Variants in TTN observed in about 807,000 individuals in gnomAD.
TTN encodes the protein titin, also known as connectin.
Under a neutral mutation model 3,223.0 loss-of-function variants are expected in TTN, and 1,525 were observed. The observed-to-expected ratio is 0.47, with a 90% CI of 0.45 to 0.49. TTN has a LOEUF of 0.49. Among genes scored for constraint, TTN ranks in the 20% least tolerant of loss-of-function variants. TTN has a pLI of 0.00. For synonymous variants in TTN, 14,094 were observed against 15,161.0 expected, an observed-to-expected ratio of 0.93 and a Z score of 5.17; for missense variants, 40,786 against 43,424.0, an observed-to-expected ratio of 0.94 and a Z score of 5.40.
chr2:178,536,564 C>G lies in TTN; in HGVS notation c.100183G>C (p.Ala33395Pro), dbSNP rs761311859. ...IIKSPFEKPG[A>P]PGKPTITAVT... The stretch of plus-strand genomic sequence containing the variant: ...GCAGTAATAGTTGGTTTGCCAGGAG[C>G]ACCTGGCTTTTCTATTAAACAAAAA... The change falls in exon 357 of 363, where the codon GCT becomes CCT. Residue 33395 changes from alanine (A) to proline (P), a missense_variant. Transcript: ENST00000589042. The G allele has an allele frequency of 2.0e-6, 3 of 1,494,118 alleles. No homozygotes were observed. The highest frequency in any genetic ancestry group is 1.8e-6 in the Non-Finnish European group (2 of 1,127,770). 92.6% of individuals were successfully genotyped at this position (1,494,118 alleles called of 1,614,324 possible).
At position 178,529,960 on chromosome 2, in the gene TTN, C is replaced by A. The variant is rs768786354; in HGVS notation, c.106531G>T (p.Ala35511Ser). 1.3e-6 allele frequency: 2 copies of A among 1,587,278 alleles called. No homozygotes were observed. The highest frequency in any genetic ancestry group is 3.3e-4 in the Middle Eastern group (2 of 6,008). The change falls in exon 359 of 363, where the codon GCT becomes TCT. Residue 35511 changes from alanine (A) to serine (S), a missense_variant and splice_region_variant. Ala to Ser is a moderately conservative substitution (Grantham distance 99). Transcript: ENST00000589042. ...TGGGTAAAAACAAAAGCCAACCTACCTTTTATTGTTAATTTGCAGCTAGAG... is the reference window on the plus strand; with the variant it reads ...TGGGTAAAAACAAAAGCCAACCTACATTTTATTGTTAATTTGCAGCTAGAG... The part of the protein sequence containing the change: ...VSSSCKLTIK[A>S]IKDTEAQKVS...
chr2:178,747,118 TC>T (rs1487908515), intron 47 of TTN: 1 of 1,605,324 alleles, frequency 6.2e-7, no homozygotes, highest in Non-Finnish European at 8.5e-7. Flanking sequence ...GTGTGGAGTA[TC>T]TCTCCAGAGT....
intron 99 of TTN, among the ~76,000 whole-genome samples, chr2:178,709,173 T>C (rs2076293517): frequency 6.6e-6 from 1 of 152,206 alleles, no homozygotes; most frequent in Non-Finnish European, 1.5e-5. Context: ...GACTGTGATA[T>C]AATATATAAC....
chr2:178,696,805 G>A (rs1313629709), intron 113 of TTN, among the ~76,000 whole-genome samples: 1 of 151,816 alleles, frequency 6.6e-6, no homozygotes, highest in Non-Finnish European at 1.5e-5. Context: ...AGTTCTTAAG[G>A]GCTCTCATTA....
At position 178,667,714 on chromosome 2, in the gene TTN, T is replaced by G. The variant is rs1208614796; in HGVS notation, c.35553A>C (p.Glu11851Asp). Reference protein sequence around the residue: ...ISEDTEMYIYEASEEAVLEEK... With the variant: ...ISEDTEMYIYDASEEAVLEEK... The stretch of plus-strand genomic sequence containing the variant: ...CTTCTAGGACTGCTTCTTCAGATGC[T>G]TCATAAACTTTAAAGATATTAGTAT... Residue 11851 changes from glutamate (E) to aspartate (D), a missense_variant, in exon 160 of 363, where the codon GAA (glutamate) becomes GAC (aspartate). By Grantham distance (45) the Glu-to-Asp change is conservative. Transcript: ENST00000589042. The G allele has an allele frequency of 6.3e-7, 1 of 1,585,752 alleles. No homozygotes were observed. Among genetic ancestry groups the G allele is most frequent in the Non-Finnish European group, 8.5e-7 (1 of 1,171,450 alleles).
At chr2:178,794,887 T>A in intron 7 of TTN, 35 bp downstream of exon 7, 1 of 1,596,694 alleles carries the variant, frequency 6.3e-7, no homozygotes, top group Non-Finnish European at 8.5e-7. Context: ...AACTAGAATG[T>A]GAAATAAGGA....
intron 148 of TTN, 41 bp downstream of exon 148, chr2:178,675,880 A>G: frequency 6.3e-7 from 1 of 1,581,782 alleles, no homozygotes; most frequent in South Asian, 1.2e-5. Context: ...TAGGAGAAGG[A>G]AGGAAATGGC....
chr2:178,669,758 A>T, intron 157 of TTN, 83 bp from the exon 158 acceptor site: 1 of 1,358,990 alleles, frequency 7.4e-7, no homozygotes, highest in Non-Finnish European at 1.0e-6. Flanking sequence ...GGCATCTAAC[A>T]AGATGAACGC....
chr2:178,634,050 T>TGTCA lies in TTN; in HGVS notation c.42448_42449insTGAC (p.Asp14150ValfsTer9). On this transcript the variant is annotated frameshift_variant, in exon 231 of 363. Coordinates refer to ENST00000589042, the MANE Select transcript of TTN (RefSeq NM_001267550.2). LOFTEE classifies it high-confidence loss of function. The surrounding 1 kb of genome is among the most constrained non-coding windows in gnomAD (Gnocchi z 4.6). The stretch of plus-strand genomic sequence containing the variant: ...TGTTTCACCTTCTTTTACTGTTTGA[T>TGTCA]CTTCAAGAGGTGACATGAATTTCAG... 1 of 1,613,144 alleles carries TGTCA rather than the reference T, an allele frequency of 6.2e-7. No homozygotes were observed. The highest frequency in any genetic ancestry group is 8.5e-7 in the Non-Finnish European group (1 of 1,179,438).
chr2:178,781,220 C>A lies in TTN; in HGVS notation c.3424G>T (p.Val1142Leu). 1 of 1,614,028 alleles carries A rather than the reference C, an allele frequency of 6.2e-7. No homozygotes were observed. Among genetic ancestry groups the A allele is most frequent in the Non-Finnish European group, 8.5e-7 (1 of 1,179,970 alleles). ...YNKQTGECKL[V>L]ISMTFADDAG... is the part of the protein sequence containing the mutation. ...TCATCAGCAAAAGTCATAGAAATCA[C>A]CAGCTTGCATTCACCGGTTTGTTTG... Residue 1142 changes from valine (V) to leucine (L), a missense_variant, in exon 21 of 363, where the codon GTG becomes TTG. Val to Leu is a conservative substitution (Grantham distance 32, BLOSUM62 1). Transcript: ENST00000589042.
Position 178,634,416 on chromosome 2 carries a change from T to C in TTN, c.42365A>G (p.Tyr14122Cys), listed in dbSNP as rs756627487. The C allele has an allele frequency of 5.6e-6, 9 of 1,613,084 alleles. No individual in the cohort carries two copies. Among genetic ancestry groups the C allele is most frequent in the South Asian group, 1.1e-5 (1 of 91,052 alleles). Residue 14122 changes from tyrosine to cysteine, a missense_variant, in exon 230 of 363, where the codon TAT (tyrosine) becomes TGT (cysteine). Coordinates refer to ENST00000589042, the MANE Select transcript of TTN (RefSeq NM_001267550.2). This position sits in a 1 kb window ranked among gnomAD's most constrained non-coding sequence, Gnocchi z 4.6. ...CTTCTTGCCCTCCACCTCAGCAGTATAGACCCCTTCATCATCAAATTGAGA... is the reference window on the plus strand; with the variant it reads ...CTTCTTGCCCTCCACCTCAGCAGTACAGACCCCTTCATCATCAAATTGAGA... The part of the protein sequence containing the change: ...NDSQFDDEGV[Y>C]TAEVEGKKTS...
chr2:178,625,567 T>C (rs1224193489), intron 240 of TTN, among the ~76,000 whole-genome samples, 171 bp from the exon 241 acceptor site: 2 of 151,944 alleles, frequency 1.3e-5, no homozygotes, highest in Non-Finnish European at 2.9e-5. Flanking sequence ...GGATCTTTTT[T>C]TTAAATTTAT....
intron 352 of TTN, 23 bp downstream of exon 352, chr2:178,539,345 ATAATGTTTATAATT>A (rs1255240634): frequency 6.3e-7 from 1 of 1,599,714 alleles, no homozygotes. Context: ...AAGTGCTGAA[ATAATGTTTATAATT>A]TTGTGGTTGA....
At chr2:178,640,305 T>G (rs747861344) in intron 221 of TTN, among the ~76,000 whole-genome samples, 195 bp from the exon 222 acceptor site, 4 of 152,018 alleles carry the variant, frequency 2.6e-5, no homozygotes, top group Non-Finnish European at 4.4e-5. Context: ...GTTCTTGGTT[T>G]TAATGTTGTT....
chr2:178,738,436 G>A (rs1194222834), intron 48 of TTN, 76 bp from the exon 49 acceptor site: 11 of 1,482,860 alleles, frequency 7.4e-6, no homozygotes, highest in Admixed American at 4.6e-5. Context: ...TCTAACTTTT[G>A]TTGCTGTTAA....
At chr2:178,712,646 AG>A in intron 94 of TTN, 50 bp downstream of exon 94, 1 of 1,606,674 alleles carries the variant, frequency 6.2e-7, no homozygotes, top group African/African-American at 1.3e-5. Flanking sequence ...ATACAGACAA[AG>A]ACACATCTAA....
At position 178,776,164 on chromosome 2, in the gene TTN, C is replaced by T; in HGVS notation, c.5700G>A (p.Val1900=). 3 of 1,614,094 alleles carry T rather than the reference C, an allele frequency of 1.9e-6. No individual in the cohort carries two copies. The highest frequency in any genetic ancestry group is 2.5e-6 in the Non-Finnish European group (3 of 1,179,990). ...CACCTGTGTCATATGATTTGCAGTC[C>T]ACGATGTCCAGGTAATGGATACCAT... is the stretch of plus-strand genomic sequence containing the variant. ...RYDGIHYLDI[V]DCKSYDTGEV... is the part of the protein sequence containing the mutation. The change falls in exon 28 of 363, where the codon GTG becomes GTA. Residue 1900 remains valine, a synonymous_variant. Transcript: ENST00000589042.
chr2:178,552,212 C>T lies in TTN; in HGVS notation c.90688G>A (p.Gly30230Arg). 2 of 1,613,436 alleles carry T rather than the reference C, an allele frequency of 1.2e-6. No homozygotes were observed. Among genetic ancestry groups the T allele is most frequent in the East Asian group, 2.2e-5 (1 of 44,868 alleles). Residue 30230 changes from glycine to arginine, a missense_variant, in exon 335 of 363, where the codon GGA becomes AGA. Transcript: ENST00000589042. The part of the protein sequence containing the change: ...ITLGPPSKPK[G>R]PIRFDEIKAD... ...TTGATTTCATCAAATCGAATGGGTC[C>T]TTTGGGCTTTGATGGTGGGCCAAGG...
In TTN at chr2:178,532,399, G is replaced by C. The variant is rs766514779; in HGVS notation, c.104216C>G (p.Ala34739Gly). The change falls in exon 358 of 363, where the codon GCT (alanine) becomes GGT (glycine). Residue 34739 changes from alanine to glycine, a missense_variant. Coordinates refer to ENST00000589042, the MANE Select transcript of TTN (RefSeq NM_001267550.2). ...STYHIPTKAE[A>G]STSYAELRER... ...CCTCAGTTCTGCATAACTTGTACTAGCTTCAGCCTTCGTTGGGATGTGATA... is the reference window on the plus strand; with the variant it reads ...CCTCAGTTCTGCATAACTTGTACTACCTTCAGCCTTCGTTGGGATGTGATA... 6 of 1,613,934 alleles carry C rather than the reference G, an allele frequency of 3.7e-6. No homozygotes were observed. The highest frequency in any genetic ancestry group is 4.2e-6 in the Non-Finnish European group (5 of 1,179,874).
Sources: gnomAD v4.1 joint callset for allele counts (sites outside exome capture counted in the v4.1 genomes callset) on GRCh38, gnomAD v4.1.1 for gene constraint, Gnocchi (gnomAD v3.1) non-coding constraint, MANE v1.5 for transcripts, NCBI Gene and HGNC (gene_info 2026-07-23, HGNC 2026-07-21) for gene names.